Variants in ARFGEF3 observed in about 807,000 individuals in gnomAD.
ARFGEF3 encodes brefeldin A-inhibited guanine nucleotide-exchange protein 3.
ARFGEF3 carries 96 observed loss-of-function variants against 221.7 expected under a neutral mutation model. That is an observed-to-expected ratio of 0.43 (90% confidence interval 0.37 to 0.51). The LOEUF is 0.51. Ranked by LOEUF, ARFGEF3 falls within the 20% of genes least tolerant of loss-of-function variation. ARFGEF3 has a pLI of 0.00. For synonymous variants in ARFGEF3, 1,145 were observed against 1,126.8 expected (o/e 1.02, Z -0.32); for missense variants, 2,410 against 2,789.9 (o/e 0.86, Z 3.07).
intron 31 of ARFGEF3, among the ~76,000 whole-genome samples, chr6:138,325,107 A>G (rs761679335): frequency 6.6e-6 from 1 of 152,268 alleles, no homozygotes; most frequent in East Asian, 1.9e-4. Flanking sequence ...ATGTGTATGC[A>G]TGGTATGTAT....
chr6:138,254,436 AAATAAT>A (rs753655440), intron 9 of ARFGEF3, among the ~76,000 whole-genome samples: 2,489 of 150,624 alleles, frequency 0.017, 74 homozygotes, highest in Admixed American at 0.069. Flanking sequence ...AAAAAAAATT[AAATAAT>A]AATAATAATA....
chr6:138,338,224 A>G lies in ARFGEF3; in HGVS notation c.*1738A>G, dbSNP rs1166978002. 1 of 152,268 alleles carries G rather than the reference A, an allele frequency of 6.6e-6. No individual in the cohort carries two copies. Among genetic ancestry groups the G allele is most frequent in the East Asian group, 1.9e-4 (1 of 5,206 alleles). The allele number at this position is 152,268 out of a possible 1,614,324, so 9.4% of individuals were successfully genotyped here. A position where few individuals can be genotyped will look rare whatever the true frequency, so the allele number is the denominator to read the frequency against. ...TCTTAAAAGGCAATGAATTGTTGGG[A>G]TATCAGTGAACTATGTTGTATACTT... is the stretch of plus-strand genomic sequence containing the variant. On this transcript the variant is annotated 3_prime_UTR_variant, in exon 34 of 34. Coordinates refer to ENST00000251691, the MANE Select transcript of ARFGEF3 (RefSeq NM_020340.5).
intron 1 of ARFGEF3, among the ~76,000 whole-genome samples, chr6:138,166,525 T>G (rs980679194): frequency 6.6e-6 from 1 of 152,240 alleles, no homozygotes; most frequent in Non-Finnish European, 1.5e-5. Context: ...TGTATGTATC[T>G]TCTCTTTATT....
intron 10 of ARFGEF3, among the ~76,000 whole-genome samples, chr6:138,259,525 A>C (rs1583036104): frequency 6.6e-6 from 1 of 152,180 alleles, no homozygotes; most frequent in East Asian, 1.9e-4. Context: ...TTCCCACCTG[A>C]AGAAGCTGAG....
At chr6:138,229,916 T>C (rs1165030560) in intron 5 of ARFGEF3, 64 bp downstream of exon 5, 2 of 1,369,806 alleles carry the variant, frequency 1.5e-6, no homozygotes, top group Non-Finnish European at 2.1e-6. Flanking sequence ...GGGATAAATA[T>C]TGGGGTGGAA....
intron 8 of ARFGEF3, among the ~76,000 whole-genome samples, chr6:138,251,412 C>A (rs1373715298): frequency 1.3e-5 from 2 of 152,156 alleles, no homozygotes; most frequent in Admixed American, 1.3e-4. Flanking sequence ...ACAGTGAAGG[C>A]AATCCTTCCA....
chr6:138,255,855 C>T (rs1158377830), intron 10 of ARFGEF3, 86 bp downstream of exon 10: 18 of 1,175,162 alleles, frequency 1.5e-5, no homozygotes, highest in Non-Finnish European at 2.0e-5. Context: ...AAAAGGCTTG[C>T]CAATCACTTG....
intron 2 of ARFGEF3, among the ~76,000 whole-genome samples, chr6:138,203,092 C>T (rs984486469): frequency 1.3e-5 from 2 of 152,084 alleles, no homozygotes; most frequent in Admixed American, 6.5e-5. Flanking sequence ...GGTTTGGGGA[C>T]CTGTGGATTC....
Position 138,289,807 on chromosome 6 carries a change from T to C in ARFGEF3, c.2897-11T>C, listed in dbSNP as rs757600431. On this transcript the variant is annotated splice_polypyrimidine_tract_variant and intron_variant, in intron 17 of 33. Transcript: ENST00000251691. ...CAACCTGTTATTTTAATAAATGTCTTTCTGGCACAGTGAAACTAAAAGTGG... is the reference window on the plus strand; with the variant it reads ...CAACCTGTTATTTTAATAAATGTCTCTCTGGCACAGTGAAACTAAAAGTGG... 6.2e-7 allele frequency: 1 copy of C among 1,612,176 alleles called. No individual in the cohort carries two copies. Among genetic ancestry groups the C allele is most frequent in the Non-Finnish European group, 8.5e-7 (1 of 1,178,964 alleles).
At position 138,298,627 on chromosome 6, in the gene ARFGEF3, CAT is replaced by C; in HGVS notation, c.3671_3672del (p.His1224ArgfsTer11). ...LVEAACHKER[H>X]VSQKAVSFIH... ...GCAGGCTGCTTGCCATAAGGAAAGA[CAT>C]GTGTCTCAGAAGGCTGTTTCCTTCA... is the stretch of plus-strand genomic sequence containing the variant. On this transcript the variant is annotated frameshift_variant, in exon 22 of 34. Coordinates refer to ENST00000251691, the MANE Select transcript of ARFGEF3 (RefSeq NM_020340.5). LOFTEE classifies it high-confidence loss of function. 6.2e-7 allele frequency: 1 copy of C among 1,612,946 alleles called. No homozygotes were observed. Among genetic ancestry groups the C allele is most frequent in the Non-Finnish European group, 8.5e-7 (1 of 1,179,510 alleles).
chr6:138,283,399 T>C lies in ARFGEF3; in HGVS notation c.2462-2547T>C, dbSNP rs1317832976. ...GTTAATTAGCCATCGCTGTTATTAA[T>C]GGAACAGTAAGCTCAATTGCTATGT... On this transcript the variant is annotated intron_variant, in intron 14 of 33. Coordinates refer to ENST00000251691, the MANE Select transcript of ARFGEF3 (RefSeq NM_020340.5). Among the ~76,000 whole-genome samples the C allele has an allele frequency of 2.0e-5, 3 of 152,262 alleles. No individual in the cohort carries two copies. In the East Asian group the frequency reaches 5.8e-4, roughly 29 times the overall value.
intron 4 of ARFGEF3, among the ~76,000 whole-genome samples, chr6:138,211,883 G>A (rs79418079): frequency 0.013 from 2,008 of 152,260 alleles, 30 homozygotes; most frequent in Middle Eastern, 0.058. Flanking sequence ...AACTCCACCA[G>A]AAATCGTGGA....
intron 8 of ARFGEF3, among the ~76,000 whole-genome samples, chr6:138,247,765 G>T (rs2114564256): frequency 6.6e-6 from 1 of 152,276 alleles, no homozygotes; most frequent in Admixed American, 6.5e-5. Context: ...ATATTGTATA[G>T]AATATAATAT....
At chr6:138,263,858 T>G (rs1778836483) in intron 12 of ARFGEF3, among the ~76,000 whole-genome samples, 1 of 152,210 alleles carries the variant, frequency 6.6e-6, no homozygotes, top group African/African-American at 2.4e-5. Context: ...AAGTAAAGAA[T>G]GAGAAGTAGC....
At chr6:138,236,246 G>C (rs1405207679) in intron 5 of ARFGEF3, among the ~76,000 whole-genome samples, 1 of 152,064 alleles carries the variant, frequency 6.6e-6, no homozygotes, top group Non-Finnish European at 1.5e-5. Context: ...TGCTTTTAAG[G>C]CTTAAAACTC....
intron 2 of ARFGEF3, among the ~76,000 whole-genome samples, chr6:138,197,881 T>C (rs1562350169): frequency 6.6e-6 from 1 of 152,218 alleles, no homozygotes; most frequent in Non-Finnish European, 1.5e-5. Flanking sequence ...TCTAGAGTTA[T>C]TGTATTAAAA....
chr6:138,165,800 C>T (rs552821238), intron 1 of ARFGEF3, among the ~76,000 whole-genome samples: 3 of 152,330 alleles, frequency 2.0e-5, no homozygotes, highest in South Asian at 4.2e-4. Flanking sequence ...AGGCATCATT[C>T]CTCACTCAGA....
Position 138,174,469 on chromosome 6 carries a change from TAAAAAAAAAAAAAAAAAAAA to T in ARFGEF3, c.137+3775_137+3794del, listed in dbSNP as rs35236693. Among the ~76,000 whole-genome samples, 28 of 25,302 alleles carry T rather than the reference TAAAAAAAAAAAAAAAAAAAA, an allele frequency of 1.1e-3. 1 individual carries two copies. The highest frequency in any genetic ancestry group is 9.5e-3 in the Admixed American group (13 of 1,364). 16.6% of individuals were successfully genotyped at this position (25,302 alleles called of 152,430 possible). A position where few individuals can be genotyped will look rare whatever the true frequency, so the allele number is the denominator to read the frequency against. On this transcript the variant is annotated intron_variant, in intron 2 of 33. Transcript: ENST00000251691. ...GGCATCCTTCTATTTGAGCATCTGC[TAAAAAAAAAAAAAAAAAAAA>T]AAAAAAAAAAAAAAAAAATCCAGGC...
intron 28 of ARFGEF3, among the ~76,000 whole-genome samples, chr6:138,320,207 A>T (rs145117997): frequency 6.6e-6 from 1 of 152,086 alleles, no homozygotes; most frequent in Non-Finnish European, 1.5e-5. Context: ...AAAAAAGAAG[A>T]AGCAGCAATA....
Sources: gnomAD v4.1 joint callset for allele counts (sites outside exome capture counted in the v4.1 genomes callset) on GRCh38, gnomAD v4.1.1 for gene constraint, MANE v1.5 for transcripts, NCBI Gene and HGNC (gene_info 2026-07-23, HGNC 2026-07-21) for gene names.